Variants in RAPSN observed in about 807,000 individuals in gnomAD.
The protein encoded by RAPSN is 43 kDa receptor-associated protein of the synapse.
RAPSN carries 33 observed loss-of-function variants against 45.7 expected under a neutral mutation model. The ratio of observed to expected loss-of-function variants is 0.72; its 90% CI spans 0.55 to 0.97. The LOEUF (loss-of-function observed/expected upper bound fraction) is 0.97, where lower values mean the gene tolerates loss of function less well. Ranked by LOEUF, RAPSN falls within the 50% of genes least tolerant of loss-of-function variation. RAPSN has a pLI of 0.00. For missense variants in RAPSN, 519 were observed against 559.4 expected, an observed-to-expected ratio of 0.93 and a Z score of 0.73; for synonymous variants, 244 against 233.6, an observed-to-expected ratio of 1.04 and a Z score of -0.40.
intron 2 of RAPSN, among the ~76,000 whole-genome samples, chr11:47,445,937 T>C (rs2076402274): frequency 6.6e-6 from 1 of 152,124 alleles, no homozygotes; most frequent in African/African-American, 2.4e-5. Context: ...GGCTTTTTTT[T>C]TTTTTCTCTC....
chr11:47,445,896 T>C (rs1337555045), intron 2 of RAPSN, among the ~76,000 whole-genome samples: 1 of 151,642 alleles, frequency 6.6e-6, no homozygotes, highest in African/African-American at 2.4e-5. Flanking sequence ...GACATCCCAC[T>C]AGCAATGAAC....
intron 6 of RAPSN, among the ~76,000 whole-genome samples, chr11:47,440,833 C>T (rs1351443621): frequency 6.6e-6 from 1 of 152,146 alleles, no homozygotes; most frequent in African/African-American, 2.4e-5. Context: ...AACTTCTGGG[C>T]TCAAGTGATC....
chr11:47,443,950 A>G (rs889858298), intron 2 of RAPSN, among the ~76,000 whole-genome samples: 8 of 149,618 alleles, frequency 5.3e-5, no homozygotes, highest in East Asian at 1.9e-4. Flanking sequence ...AAAAAAAAAA[A>G]AAAAAAAAAG....
rs201947904 is a variant in RAPSN at position 47,438,901 on chromosome 11, C to A, written c.997G>T (p.Glu333Ter). 6 of 1,562,646 alleles carry A rather than the reference C, an allele frequency of 3.8e-6. No individual in the cohort carries two copies. The Admixed American group carries it at 9.6e-5, about 25-fold the overall frequency. ...AGCCCTTTGCTGCGGTAAATGCTCT[C>A]GCTCAGACAGTGCAGCTTGAGCTGG... ...LSQLKLHCLS[E>*]SIYRSKGLQR... The change falls in exon 7 of 8, where the codon GAG (glutamate) becomes TAG (stop). Residue 333 changes from glutamate (E) to a stop codon, truncating the protein, a stop_gained. Coordinates refer to ENST00000298854, the MANE Select transcript of RAPSN (RefSeq NM_005055.5). LOFTEE classifies it high-confidence loss of function.
Position 47,447,733 on chromosome 11 carries a change from G to A in RAPSN, c.531+79C>T, listed in dbSNP as rs145462655. On this transcript the variant is annotated intron_variant, in intron 2 of 7. Transcript: ENST00000298854. ...CTCCCTAAAAGGAGGGCTGAATGAG[G>A]TAGTGCCACAGGGTGTGTGCCTCAT... is the stretch of plus-strand genomic sequence containing the variant. The A allele has an allele frequency of 2.9e-4, 420 of 1,447,582 alleles. 5 individuals are homozygous for A. The Middle Eastern group carries it at 0.012, about 41-fold the overall frequency. 89.7% of individuals were successfully genotyped at this position (1,447,582 alleles called of 1,614,324 possible).
chr11:47,446,590 C>T (rs1331258709), intron 2 of RAPSN, among the ~76,000 whole-genome samples: 1 of 152,092 alleles, frequency 6.6e-6, no homozygotes, highest in African/African-American at 2.4e-5. Context: ...AGCACAGATA[C>T]CTGAGGGGAA....
In RAPSN at chr11:47,444,900, G is replaced by C. The variant is rs1425238652; in HGVS notation, c.532-2086C>G. ...AAAAAGTAAATAAATGTCCCTAACTGTGTGTCATATTACTACAACCACACA... is the reference window on the plus strand; with the variant it reads ...AAAAAGTAAATAAATGTCCCTAACTCTGTGTCATATTACTACAACCACACA... On this transcript the variant is annotated intron_variant, in intron 2 of 7. Transcript: ENST00000298854. Among the ~76,000 whole-genome samples, 4 of 145,050 alleles carry C rather than the reference G, an allele frequency of 2.8e-5. No homozygotes were observed. The Admixed American group carries it at 2.8e-4, about 10-fold the overall frequency.
chr11:47,448,695 C>T, intron 1 of RAPSN, 78 bp downstream of exon 1: 1 of 1,571,724 alleles, frequency 6.4e-7, no homozygotes, highest in South Asian at 1.1e-5. Context: ...CCCGAGGAGG[C>T]CGAGAGGGGA....
In RAPSN at chr11:47,441,045, C is replaced by T. The variant is rs1476914883; in HGVS notation, c.966+114G>A. Reference sequence around the variant, plus strand: ...AGTATGGGGTTGGCTGCAGGCAGCTCCCAGCATCAGGAAGGGCTCATGACG... The same window carrying T: ...AGTATGGGGTTGGCTGCAGGCAGCTTCCAGCATCAGGAAGGGCTCATGACG... On this transcript the variant is annotated intron_variant, in intron 6 of 7. Coordinates refer to ENST00000298854, the MANE Select transcript of RAPSN (RefSeq NM_005055.5). The T allele has an allele frequency of 4.4e-6, 6 of 1,364,826 alleles. No homozygotes were observed. In the Admixed American group the frequency reaches 6.7e-5, roughly 15 times the overall value. 84.5% of individuals were successfully genotyped at this position (1,364,826 alleles called of 1,614,324 possible). A position where few individuals can be genotyped will look rare whatever the true frequency, so the allele number is the denominator to read the frequency against.
intron 3 of RAPSN, 83 bp from the exon 4 acceptor site, chr11:47,442,004 G>A: frequency 7.3e-7 from 1 of 1,373,918 alleles, no homozygotes; most frequent in Non-Finnish European, 1.0e-6. Flanking sequence ...CCTCTGAAGG[G>A]ACAGCCCAGG....
At position 47,441,209 on chromosome 11, in the gene RAPSN, G is replaced by A. The variant is rs1262478144; in HGVS notation, c.916C>T (p.Leu306=). 5.0e-6 allele frequency: 8 copies of A among 1,613,880 alleles called. No individual in the cohort carries two copies. The East Asian group carries it at 1.8e-4, about 36-fold the overall frequency. ...WVARKALDKA[L]DAIERAQDLA... ...TCCTGGGCTCTCTCGATGGCATCCA[G>A]AGCCTGGAAGGTGAGCATAGGCCAG... is the stretch of plus-strand genomic sequence containing the variant. The change falls in exon 6 of 8, where the codon CTG becomes TTG. Residue 306 remains leucine (L), a synonymous_variant. Transcript: ENST00000298854.
intron 2 of RAPSN, among the ~76,000 whole-genome samples, chr11:47,447,138 C>T (rs1157482620): frequency 1.3e-5 from 2 of 152,132 alleles, no homozygotes; most frequent in Non-Finnish European, 2.9e-5. Context: ...AATGCTCTCT[C>T]ACCAGATTTT....
intron 7 of RAPSN, 27 bp downstream of exon 7, chr11:47,438,705 C>A: frequency 6.4e-7 from 1 of 1,552,576 alleles, no homozygotes; most frequent in Non-Finnish European, 8.7e-7. Flanking sequence ...CCTGCCCACC[C>A]CTGTCCACCC....
intron 4 of RAPSN, 43 bp downstream of exon 4, chr11:47,441,780 C>A (rs746277621): frequency 7.8e-6 from 4 of 513,282 alleles, no homozygotes; most frequent in South Asian, 1.5e-5. Flanking sequence ...CAGGCCTGTG[C>A]CCCTGCCCCC....
intron 2 of RAPSN, among the ~76,000 whole-genome samples, chr11:47,444,357 G>C (rs1235888582): frequency 6.6e-6 from 1 of 152,066 alleles, no homozygotes; most frequent in Admixed American, 6.6e-5. Context: ...GGGCAACATT[G>C]CAAGACCACT....
intron 1 of RAPSN, 107 bp downstream of exon 1, chr11:47,448,666 C>T: frequency 7.0e-7 from 1 of 1,430,492 alleles, no homozygotes; most frequent in East Asian, 2.4e-5. Context: ...TGGCTGCCAG[C>T]CTGTGGGACA....
chr11:47,448,650 G>C, intron 1 of RAPSN, 123 bp downstream of exon 1: 2 of 1,263,910 alleles, frequency 1.6e-6, no homozygotes, highest in Non-Finnish European at 1.1e-6. Flanking sequence ...TCAGAGCCTC[G>C]GGCCCTGGCT....
intron 2 of RAPSN, among the ~76,000 whole-genome samples, chr11:47,444,063 A>C (rs1020856230): frequency 6.6e-6 from 1 of 151,914 alleles, no homozygotes; most frequent in African/African-American, 2.4e-5. Flanking sequence ...TTTTCAAGGT[A>C]AATCTATTTG....
At chr11:47,445,092 G>A (rs867230428) in intron 2 of RAPSN, among the ~76,000 whole-genome samples, 36 of 151,128 alleles carry the variant, frequency 2.4e-4, no homozygotes, top group African/African-American at 8.3e-4. Flanking sequence ...TTAGCGGGGC[G>A]TGGTGGCAGG....
Sources: gnomAD v4.1 joint callset for allele counts (sites outside exome capture counted in the v4.1 genomes callset) on GRCh38, gnomAD v4.1.1 for gene constraint, MANE v1.5 for transcripts, NCBI Gene and HGNC (gene_info 2026-07-23, HGNC 2026-07-21) for gene names.